The following GRM8 variants were observed in gnomAD, a reference collection of about 807,000 sequenced individuals.
The protein encoded by GRM8 is glutamate metabotropic receptor 8, also known as metabotropic glutamate receptor 8.
GRM8 carries 47 observed loss-of-function variants against 87.2 expected under a neutral mutation model. That is an observed-to-expected ratio of 0.54 (90% CI 0.43 to 0.69). The LOEUF (loss-of-function observed/expected upper bound fraction) is 0.69. Among genes scored for constraint, GRM8 ranks in the 30% least tolerant of loss-of-function variants. The pLI is 0.00. For missense variants in GRM8, 1,019 were observed against 1,139.2 expected (o/e 0.89, Z 1.52); for synonymous variants, 396 against 404.5 (o/e 0.98, Z 0.25).
At chr7:126,577,930 T>C (rs544543790) in intron 8 of GRM8, among the ~76,000 whole-genome samples, 1 of 152,244 alleles carries the variant, frequency 6.6e-6, no homozygotes, top group South Asian at 2.1e-4. Flanking sequence ...ACCCAACCCA[T>C]GCTTCTTTCT....
chr7:126,593,134 C>A (rs1261270718), intron 8 of GRM8, among the ~76,000 whole-genome samples: 1 of 151,780 alleles, frequency 6.6e-6, no homozygotes, highest in Non-Finnish European at 1.5e-5. Context: ...GAAAAGATAT[C>A]CTGTGTTCAC....
chr7:126,592,125 G>C (rs1796729289), intron 8 of GRM8, among the ~76,000 whole-genome samples: 1 of 137,642 alleles, frequency 7.3e-6, no homozygotes, highest in Admixed American at 7.8e-5. Flanking sequence ...TAAGGAGATT[G>C]AATCAATAAT....
rs550443038 is a variant in GRM8, at chr7:126,556,256, A to G, written c.1495-22369T>C. Reference sequence around the variant, plus strand: ...GTTATTGTTTTGTGTTTTTCATATTAGTACCTACTATTGTAAATCCTCAAA... The same window carrying G: ...GTTATTGTTTTGTGTTTTTCATATTGGTACCTACTATTGTAAATCCTCAAA... On this transcript the variant is annotated intron_variant, in intron 8 of 10. Coordinates refer to ENST00000339582, the MANE Select transcript of GRM8 (RefSeq NM_000845.3). Among the ~76,000 whole-genome samples, 7 of 150,534 alleles carry G rather than the reference A, an allele frequency of 4.7e-5. No homozygotes were observed. The South Asian group carries it at 1.3e-3, about 27-fold the overall frequency.
chr7:126,493,990 G>A (rs1417964533), intron 9 of GRM8, among the ~76,000 whole-genome samples: 1 of 151,954 alleles, frequency 6.6e-6, no homozygotes, highest in Non-Finnish European at 1.5e-5. Flanking sequence ...ACAGCTCTGC[G>A]GAGCTGCTTC....
intron 3 of GRM8, among the ~76,000 whole-genome samples, chr7:126,966,981 A>C (rs1482426194): frequency 1.3e-5 from 2 of 152,188 alleles, no homozygotes; most frequent in Non-Finnish European, 2.9e-5. Flanking sequence ...TGTCCCCTTT[A>C]GGCCCAACCC....
intron 3 of GRM8, among the ~76,000 whole-genome samples, chr7:127,070,674 T>C (rs1821585169): frequency 6.6e-6 from 1 of 152,178 alleles, no homozygotes; most frequent in African/African-American, 2.4e-5. Flanking sequence ...TCACCATGTG[T>C]ATTCTCACAA....
intron 7 of GRM8, among the ~76,000 whole-genome samples, chr7:126,649,780 T>C (rs1803589873): frequency 1.3e-5 from 2 of 152,154 alleles, no homozygotes; most frequent in African/African-American, 4.8e-5. Context: ...CCCAAAAGGC[T>C]GCCAGTTTTG....
intron 7 of GRM8, among the ~76,000 whole-genome samples, chr7:126,653,238 G>A (rs1693041181): frequency 6.8e-6 from 1 of 148,080 alleles, no homozygotes. Context: ...GGAGTTTGAG[G>A]CTGCAGTGAG....
In GRM8 at chr7:127,075,896, C is replaced by T. The variant is rs150632028; in HGVS notation, c.727+30600G>A. 87 of 232,366 alleles carry T rather than the reference C, an allele frequency of 3.7e-4. No homozygotes were observed. In the East Asian group the frequency reaches 5.9e-3, roughly 16 times the overall value. 14.4% of individuals were successfully genotyped at this position (232,366 alleles called of 1,614,324 possible). A position where few individuals can be genotyped will look rare whatever the true frequency, so the allele number is the denominator to read the frequency against. The stretch of plus-strand genomic sequence containing the variant: ...ACTGACAAGGGTAGCATTAGTTAGG[C>T]GAATGACTCCCTATCTTATTCACCT... On this transcript the variant is annotated intron_variant, in intron 3 of 10. Transcript: ENST00000339582.
At chr7:126,571,809 C>T (rs1221100397) in intron 8 of GRM8, among the ~76,000 whole-genome samples, 2 of 150,476 alleles carry the variant, frequency 1.3e-5, no homozygotes, top group South Asian at 2.1e-4. Context: ...GGCATGATCT[C>T]GGCTCACTGC....
intron 2 of GRM8, among the ~76,000 whole-genome samples, chr7:127,114,975 T>A: frequency 6.6e-6 from 1 of 152,050 alleles, no homozygotes; most frequent in South Asian, 2.1e-4. Flanking sequence ...GAGGTCGAGG[T>A]TGGCAGTTGT....
At chr7:127,171,748 C>T (rs1793815235) in intron 2 of GRM8, among the ~76,000 whole-genome samples, 1 of 152,094 alleles carries the variant, frequency 6.6e-6, no homozygotes. Context: ...CACTTTATTG[C>T]AATATTCACT....
chr7:126,670,514 C>T (rs1158243240), intron 7 of GRM8, among the ~76,000 whole-genome samples: 2 of 152,166 alleles, frequency 1.3e-5, no homozygotes, highest in Non-Finnish European at 2.9e-5. Context: ...GTGTGTCTAA[C>T]TGTAACTACC....
intron 2 of GRM8, among the ~76,000 whole-genome samples, chr7:127,242,328 A>G (rs189768137): frequency 1.3e-5 from 2 of 152,330 alleles, no homozygotes; most frequent in East Asian, 3.9e-4. Flanking sequence ...TACCATAGAA[A>G]TGTTTTCCAT....
At chr7:127,088,674 A>G (rs1018548193) in intron 3 of GRM8, among the ~76,000 whole-genome samples, 5 of 152,206 alleles carry the variant, frequency 3.3e-5, no homozygotes, top group African/African-American at 1.2e-4. Flanking sequence ...GACACCATAC[A>G]GCATGTGCAA....
intron 7 of GRM8, 41 bp downstream of exon 7, chr7:126,769,824 T>C (rs1215717995): frequency 7.6e-7 from 1 of 1,321,912 alleles, no homozygotes; most frequent in Non-Finnish European, 1.1e-6. Context: ...ACACACCCTG[T>C]CGCTTTTAAT....
chr7:126,639,296 A>G (rs918072098), intron 7 of GRM8, among the ~76,000 whole-genome samples: 1 of 152,148 alleles, frequency 6.6e-6, no homozygotes, highest in Non-Finnish European at 1.5e-5. Flanking sequence ...GTAAGAGGTA[A>G]GGATGTATCC....
intron 7 of GRM8, among the ~76,000 whole-genome samples, chr7:126,728,624 CTT>C (rs945910508): frequency 3.3e-5 from 5 of 152,272 alleles, no homozygotes; most frequent in African/African-American, 1.2e-4. Flanking sequence ...CATACAGTAA[CTT>C]TGAAAAACAC....
chr7:126,841,087 A>T (rs967795231), intron 6 of GRM8, among the ~76,000 whole-genome samples: 4 of 152,222 alleles, frequency 2.6e-5, no homozygotes, highest in African/African-American at 9.6e-5. Flanking sequence ...ATGATTCACT[A>T]TCAGGACCAG....
Sources: gnomAD v4.1 joint callset for allele counts (sites outside exome capture counted in the v4.1 genomes callset) on GRCh38, gnomAD v4.1.1 for gene constraint, MANE v1.5 for transcripts, NCBI Gene and HGNC (gene_info 2026-07-23, HGNC 2026-07-21) for gene names.